IQCB1: variants seen among roughly 807,000 people sequenced by gnomAD.
IQCB1 encodes the protein IQ calmodulin-binding motif-containing protein 1.
IQCB1 carries 56 observed loss-of-function variants against 84.4 expected under a neutral mutation model. The observed-to-expected ratio is 0.66, with a 90% CI of 0.54 to 0.83. IQCB1 has a LOEUF of 0.83. Ranked by LOEUF, IQCB1 falls within the 40% of genes least tolerant of loss-of-function variation. IQCB1 has a pLI of 0.00. For synonymous variants in IQCB1, 210 were observed against 234.8 expected, an observed-to-expected ratio of 0.89 and a Z score of 0.96; for missense variants, 629 against 682.1, an observed-to-expected ratio of 0.92 and a Z score of 0.87.
At chr3:121,803,946 A>G (rs1949510303) in intron 7 of IQCB1, among the ~76,000 whole-genome samples, 1 of 151,706 alleles carries the variant, frequency 6.6e-6, no homozygotes, top group Non-Finnish European at 1.5e-5. Flanking sequence ...TCTAAGATAG[A>G]TAGGTTTAAA....
intron 13 of IQCB1, 80 bp downstream of exon 13, chr3:121,781,663 A>ACACAAT (rs1553709034): frequency 3.5e-5 from 37 of 1,046,582 alleles, no homozygotes; most frequent in African/African-American, 8.3e-5. Context: ...ACACACACAC[A>ACACAAT]ATATATGTGT....
intron 5 of IQCB1, among the ~76,000 whole-genome samples, chr3:121,825,379 G>C (rs1215597907): frequency 6.6e-6 from 1 of 151,974 alleles, no homozygotes. Context: ...TTCTTTTAAT[G>C]AACATTCACA....
intron 10 of IQCB1, among the ~76,000 whole-genome samples, chr3:121,794,061 C>T (rs987162651): frequency 6.6e-6 from 1 of 151,938 alleles, no homozygotes; most frequent in African/African-American, 2.4e-5. Context: ...ACCTCAGATG[C>T]TTTGGGTAGA....
At chr3:121,826,223 T>C (rs371889279) in intron 4 of IQCB1, 43 bp from the exon 5 acceptor site, 7 of 1,602,142 alleles carry the variant, frequency 4.4e-6, no homozygotes, top group Non-Finnish European at 6.0e-6. Flanking sequence ...AAGTTTATGT[T>C]GAATGCTCAA....
At chr3:121,829,503 G>A (rs565104613) in intron 2 of IQCB1, among the ~76,000 whole-genome samples, 4 of 152,296 alleles carry the variant, frequency 2.6e-5, no homozygotes, top group South Asian at 2.1e-4. Flanking sequence ...CTGAATACCC[G>A]CCTTCCTTCC....
rs1031041561 is a variant in IQCB1, at chr3:121,825,955, T to A, written c.393+96A>T. On this transcript the variant is annotated intron_variant, in intron 5 of 14. Coordinates refer to ENST00000310864, the MANE Select transcript of IQCB1 (RefSeq NM_001023570.4). Reference sequence around the variant, plus strand: ...AAATGTTTAAATTCACTACTTTAATTGTACTTTCAGCCAAATATTGCACAT... The same window carrying A: ...AAATGTTTAAATTCACTACTTTAATAGTACTTTCAGCCAAATATTGCACAT... 1.4e-5 allele frequency: 16 copies of A among 1,166,502 alleles called. No individual in the cohort carries two copies. The African/African-American group carries it at 1.8e-4, about 13-fold the overall frequency. 72.3% of individuals were successfully genotyped at this position (1,166,502 alleles called of 1,614,324 possible).
rs1947913702 is a variant in IQCB1, at chr3:121,770,279, T to C, written c.*66A>G. 1 of 1,099,838 alleles carries C rather than the reference T, an allele frequency of 9.1e-7. No individual in the cohort carries two copies. Among genetic ancestry groups the C allele is most frequent in the South Asian group, 1.3e-5 (1 of 79,000 alleles). The allele number at this position is 1,099,838 out of a possible 1,614,324, so 68.1% of individuals were successfully genotyped here. On this transcript the variant is annotated 3_prime_UTR_variant, in exon 15 of 15. Coordinates refer to ENST00000310864, the MANE Select transcript of IQCB1 (RefSeq NM_001023570.4). ...TTAGGATGGCCCTAGTCTACCAGCATGCCAGAGGCAGAACCAATATAATCT... is the reference window on the plus strand; with the variant it reads ...TTAGGATGGCCCTAGTCTACCAGCACGCCAGAGGCAGAACCAATATAATCT...
chr3:121,805,555 T>C (rs1949572957), intron 7 of IQCB1, among the ~76,000 whole-genome samples: 1 of 152,144 alleles, frequency 6.6e-6, no homozygotes, highest in African/African-American at 2.4e-5. Flanking sequence ...TTTGACCCTT[T>C]TGGGTCTTGC....
intron 5 of IQCB1, among the ~76,000 whole-genome samples, chr3:121,821,623 T>C (rs1226259488): frequency 6.6e-6 from 1 of 152,202 alleles, no homozygotes; most frequent in Admixed American, 6.5e-5. Context: ...AACAAATAGG[T>C]GCAGCTGTGT....
At chr3:121,791,818 C>T (rs1486997065) in intron 10 of IQCB1, among the ~76,000 whole-genome samples, 1 of 152,186 alleles carries the variant, frequency 6.6e-6, no homozygotes, top group Non-Finnish European at 1.5e-5. Context: ...TGGCCGGGCG[C>T]GGTGGTTCAC....
intron 5 of IQCB1, among the ~76,000 whole-genome samples, chr3:121,819,713 G>C (rs1950207524): frequency 6.6e-6 from 1 of 152,004 alleles, no homozygotes; most frequent in Admixed American, 6.6e-5. Flanking sequence ...GCTGAATTTT[G>C]AATGATTTTT....
intron 12 of IQCB1, among the ~76,000 whole-genome samples, chr3:121,784,522 A>AT (rs1266643042): frequency 2.0e-5 from 3 of 152,026 alleles, no homozygotes; most frequent in Non-Finnish European, 4.4e-5. Context: ...GATTAAAAAA[A>AT]TTTTTTCCTT....
At chr3:121,816,256 T>C (rs1287987089) in intron 5 of IQCB1, among the ~76,000 whole-genome samples, 1 of 152,144 alleles carries the variant, frequency 6.6e-6, no homozygotes, top group Non-Finnish European at 1.5e-5. Flanking sequence ...TTACATCTTA[T>C]ATGAAAATTA....
intron 13 of IQCB1, among the ~76,000 whole-genome samples, chr3:121,778,817 A>T (rs1948349416): frequency 6.6e-6 from 1 of 151,720 alleles, no homozygotes; most frequent in South Asian, 2.1e-4. Context: ...GAGGCAGGAG[A>T]ATCACTTGAA....
intron 5 of IQCB1, among the ~76,000 whole-genome samples, chr3:121,809,881 A>C (rs909457521): frequency 5.3e-5 from 8 of 151,936 alleles, no homozygotes; most frequent in Non-Finnish European, 1.0e-4. Flanking sequence ...ATAATAATGA[A>C]AGTATTTTTT....
At chr3:121,810,516 T>G (rs1303098232) in intron 5 of IQCB1, among the ~76,000 whole-genome samples, 1 of 151,910 alleles carries the variant, frequency 6.6e-6, no homozygotes, top group East Asian at 1.9e-4. Context: ...TTAAGGATTC[T>G]ATAAATGAAA....
rs766755059 is a variant in IQCB1, at chr3:121,826,078, T to G, written c.366A>C (p.Leu122Phe). Residue 122 changes from leucine (L) to phenylalanine (F), a missense_variant, in exon 5 of 15, where the codon TTA (leucine) becomes TTC (phenylalanine). Transcript: ENST00000310864. ...AENFLVLGRQ[L>F]QTCFINAAKA... ...TAGCTGCATTGATAAAACATGTTTG[T>G]AATTGTCTCCCCAAAACTAGAAAAT... The G allele has an allele frequency of 6.2e-7, 1 of 1,613,316 alleles. No individual in the cohort carries two copies. The highest frequency in any genetic ancestry group is 1.3e-5 in the African/African-American group (1 of 75,042).
intron 5 of IQCB1, among the ~76,000 whole-genome samples, chr3:121,823,198 A>ACAT (rs1950337673): frequency 6.6e-6 from 1 of 151,778 alleles, no homozygotes; most frequent in Non-Finnish European, 1.5e-5. Flanking sequence ...ACTGAAGTAA[A>ACAT]CAACAACAAG....
intron 12 of IQCB1, among the ~76,000 whole-genome samples, chr3:121,784,935 A>T (rs1199696330): frequency 6.6e-6 from 1 of 152,016 alleles, no homozygotes; most frequent in Non-Finnish European, 1.5e-5. Context: ...CAGCCTCCCA[A>T]AGTGCTGGGA....
Sources: gnomAD v4.1 joint callset for allele counts (sites outside exome capture counted in the v4.1 genomes callset) on GRCh38, gnomAD v4.1.1 for gene constraint, MANE v1.5 for transcripts, NCBI Gene and HGNC (gene_info 2026-07-23, HGNC 2026-07-21) for gene names.